OTUD7B: variants seen among roughly 807,000 people sequenced by gnomAD.
OTUD7B encodes OTU domain-containing protein 7B.
In OTUD7B, 34 loss-of-function variants were observed where a neutral mutation model predicts 82.2. The ratio of observed to expected loss-of-function variants is 0.41; its 90% confidence interval spans 0.31 to 0.55. The LOEUF is 0.55. Ranked by LOEUF, OTUD7B falls within the 20% of genes least tolerant of loss-of-function variation. The probability of loss-of-function intolerance (pLI) is 0.20; values close to 1 mark genes in which losing one functional copy is unlikely to be tolerated. For synonymous variants in OTUD7B, 398 were observed against 402.7 expected, an observed-to-expected ratio of 0.99 and a Z score of 0.14; for missense variants, 944 against 1,062.1, an observed-to-expected ratio of 0.89 and a Z score of 1.55.
At position 149,950,344 on chromosome 1, in the gene OTUD7B, A is replaced by G. The variant is rs115097781; in HGVS notation, c.846-123T>C. The G allele has an allele frequency of 1.7e-3, 1,647 of 952,444 alleles. 26 individuals carry two copies. In the African/African-American group the frequency reaches 0.025, roughly 14 times the overall value. 59.0% of individuals were successfully genotyped at this position (952,444 alleles called of 1,614,324 possible). A position where few individuals can be genotyped will look rare whatever the true frequency, so the allele number is the denominator to read the frequency against. On this transcript the variant is annotated intron_variant, in intron 7 of 11. Transcript: ENST00000581312. The stretch of plus-strand genomic sequence containing the variant: ...AAGAATGTCCTTTCCTGGTTTTCCA[A>G]TCTTAAGGCTGCCACTGATATAGCT...
At chr1:150,003,944 T>A (rs1224965238) in intron 1 of OTUD7B, among the ~76,000 whole-genome samples, 2 of 152,160 alleles carry the variant, frequency 1.3e-5, no homozygotes, top group African/African-American at 4.8e-5. Context: ...CATCGCAAAT[T>A]ATACTCATCA....
chr1:149,960,585 T>C (rs1420918154), intron 6 of OTUD7B, among the ~76,000 whole-genome samples: 1 of 151,742 alleles, frequency 6.6e-6, no homozygotes, highest in Non-Finnish European at 1.5e-5. Flanking sequence ...GCTTTCCCCA[T>C]GTTGGCCAGG....
chr1:149,969,601 C>G (rs1439508994), intron 3 of OTUD7B, among the ~76,000 whole-genome samples: 2 of 152,156 alleles, frequency 1.3e-5, no homozygotes, highest in Non-Finnish European at 2.9e-5. Context: ...GGTGAAACCC[C>G]ATCTCCACTA....
the OTUD7B span, among the ~76,000 whole-genome samples, chr1:150,028,938 T>C: frequency 6.6e-6 from 1 of 152,210 alleles, no homozygotes; most frequent in Non-Finnish European, 1.5e-5. Context: ...TCATCCATAT[T>C]GTAGCATATG....
intron 1 of OTUD7B, among the ~76,000 whole-genome samples, chr1:149,991,149 TCTTA>T (rs1404378309): frequency 1.1e-4 from 17 of 152,066 alleles, no homozygotes; most frequent in East Asian, 7.7e-4. Context: ...GCTAAATAAC[TCTTA>T]CTATTTTGTT....
rs1246492186 is a variant in OTUD7B at position 149,942,794 on chromosome 1, A to AT, written c.*1062dup. The AT allele has an allele frequency of 6.6e-6, 1 of 152,492 alleles. No homozygotes were observed. Among genetic ancestry groups the AT allele is most frequent in the Non-Finnish European group, 1.5e-5 (1 of 68,016 alleles). The allele number at this position is 152,492 out of a possible 1,614,324, so 9.4% of individuals were successfully genotyped here. On this transcript the variant is annotated 3_prime_UTR_variant, in exon 12 of 12. Coordinates refer to ENST00000581312, the MANE Select transcript of OTUD7B (RefSeq NM_020205.4). ...CACTTAAGTAGGAGGAAAAAAAATC[A>AT]TTTTTTAAATGTTTTTGCTTGCTGG...
the OTUD7B span, among the ~76,000 whole-genome samples, chr1:150,039,190 T>C: frequency 9.9e-5 from 15 of 152,150 alleles, no homozygotes; most frequent in Non-Finnish European, 2.2e-4. Flanking sequence ...GAAAAAACTT[T>C]TACAATTGTC....
intron 7 of OTUD7B, among the ~76,000 whole-genome samples, chr1:149,954,973 G>A (rs1376361377): frequency 6.6e-6 from 1 of 151,994 alleles, no homozygotes; most frequent in Non-Finnish European, 1.5e-5. Flanking sequence ...ATCAAATTTT[G>A]TTGATCTTTT....
the OTUD7B span, among the ~76,000 whole-genome samples, chr1:150,031,608 A>C: frequency 6.6e-6 from 1 of 152,216 alleles, no homozygotes; most frequent in African/African-American, 2.4e-5. Context: ...CACACACACA[A>C]AAATCAGACA....
chr1:150,056,960 A>G, the OTUD7B span, among the ~76,000 whole-genome samples: 1 of 152,198 alleles, frequency 6.6e-6, no homozygotes. Context: ...ACATCTCTCC[A>G]TATGACATAT....
chr1:149,983,865 C>T (rs1278197058), intron 1 of OTUD7B, among the ~76,000 whole-genome samples: 2 of 152,164 alleles, frequency 1.3e-5, no homozygotes, highest in African/African-American at 4.8e-5. Flanking sequence ...CAAAATAGCG[C>T]TAAACCAGGA....
intron 7 of OTUD7B, among the ~76,000 whole-genome samples, chr1:149,956,709 A>G (rs1206908292): frequency 4.6e-5 from 7 of 152,026 alleles, no homozygotes; most frequent in Admixed American, 4.6e-4. Flanking sequence ...ATAGTCCCAT[A>G]TTTCTTTGAG....
the OTUD7B span, among the ~76,000 whole-genome samples, chr1:150,026,719 G>A: frequency 7.9e-5 from 12 of 152,112 alleles, no homozygotes; most frequent in Non-Finnish European, 1.6e-4. Context: ...AAAGAATAAA[G>A]CCAGTACGGA....
Position 149,939,153 on chromosome 1 carries a change from C to T in OTUD7B, c.*4704G>A, listed in dbSNP as rs587659299. 6.6e-6 allele frequency: 1 copy of T among 152,296 alleles called. No individual in the cohort carries two copies. Among genetic ancestry groups the T allele is most frequent in the East Asian group, 1.9e-4 (1 of 5,178 alleles). 9.4% of individuals were successfully genotyped at this position (152,296 alleles called of 1,614,324 possible). ...TTCCATTTTCAGAATCCTGTTCTGG[C>T]TGCAGGTTTGTGCCAGGAGTAAAGG... is the stretch of plus-strand genomic sequence containing the variant. On this transcript the variant is annotated 3_prime_UTR_variant, in exon 12 of 12. Transcript: ENST00000581312.
At chr1:149,950,552 C>T (rs1303082923) in intron 7 of OTUD7B, among the ~76,000 whole-genome samples, 3 of 152,244 alleles carry the variant, frequency 2.0e-5, no homozygotes, top group East Asian at 1.9e-4. Context: ...GCTCAATACA[C>T]AACTGCATAG....
chr1:149,956,257 G>T (rs587744531), intron 7 of OTUD7B, among the ~76,000 whole-genome samples: 2 of 152,024 alleles, frequency 1.3e-5, no homozygotes, highest in African/African-American at 4.8e-5. Flanking sequence ...CAGCATTTGC[G>T]TGTCTGTAAA....
chr1:150,060,494 A>G, the OTUD7B span, among the ~76,000 whole-genome samples: 1 of 152,294 alleles, frequency 6.6e-6, no homozygotes, highest in Admixed American at 6.5e-5. Flanking sequence ...ACATCTAGCC[A>G]CCAGAACTAT....
the OTUD7B span, among the ~76,000 whole-genome samples, chr1:150,037,515 C>T: frequency 2.0e-4 from 30 of 152,184 alleles, no homozygotes; most frequent in African/African-American, 6.3e-4. Context: ...TTAAAAATTG[C>T]TAATTATGAA....
chr1:149,955,037 A>G (rs1648561288), intron 7 of OTUD7B, among the ~76,000 whole-genome samples: 1 of 151,888 alleles, frequency 6.6e-6, no homozygotes, highest in Non-Finnish European at 1.5e-5. Flanking sequence ...TTGTGTCTCT[A>G]TCTCCTTCAG....
Sources: gnomAD v4.1 joint callset for allele counts (sites outside exome capture counted in the v4.1 genomes callset) on GRCh38, gnomAD v4.1.1 for gene constraint, MANE v1.5 for transcripts, NCBI Gene and HGNC (gene_info 2026-07-23, HGNC 2026-07-21) for gene names.